Variants in PAQR8 observed in about 807,000 individuals in gnomAD.
PAQR8 encodes the protein progestin and adipoQ receptor family member 8, also known as membrane progestin receptor beta.
Under a neutral mutation model 25.2 loss-of-function variants are expected in PAQR8, and 17 were observed. The observed-to-expected ratio is 0.67, with a 90% CI of 0.46 to 1.01. PAQR8 has a LOEUF of 1.01. Among genes scored for constraint, PAQR8 ranks in the 50% least tolerant of loss-of-function variants. PAQR8 has a pLI of 0.00. For missense variants in PAQR8, 392 were observed against 448.4 expected (o/e 0.87, Z 1.14); for synonymous variants, 204 against 190.6 (o/e 1.07, Z -0.58).
intron 1 of PAQR8, among the ~76,000 whole-genome samples, chr6:52,393,333 C>CTTTTTTTTTTTTTTT (rs35079265): frequency 1.8e-5 from 2 of 111,192 alleles, no homozygotes; most frequent in Non-Finnish European, 1.7e-5. Flanking sequence ...CTTTCTCTCT[C>CTTTTTTTTTTTTTTT]TTTTTTTTTT....
chr6:52,383,998 A>C (rs1763598940), intron 1 of PAQR8, among the ~76,000 whole-genome samples: 1 of 152,132 alleles, frequency 6.6e-6, no homozygotes, highest in South Asian at 2.1e-4. Context: ...GGAACAGGGT[A>C]TGGGTCTGCA....
intron 1 of PAQR8, among the ~76,000 whole-genome samples, chr6:52,400,462 G>T (rs1161407518): frequency 2.6e-5 from 4 of 152,194 alleles, no homozygotes; most frequent in African/African-American, 9.7e-5. Flanking sequence ...CAAAGCTCAG[G>T]CTGGATTCAT....
chr6:52,405,685 G>A lies in PAQR8; in HGVS notation c.*1407G>A, dbSNP rs1449514249. The A allele has an allele frequency of 6.0e-6, 1 of 167,056 alleles. No homozygotes were observed. The highest frequency in any genetic ancestry group is 2.4e-5 in the African/African-American group (1 of 41,444). 10.3% of individuals were successfully genotyped at this position (167,056 alleles called of 1,614,324 possible). A position where few individuals can be genotyped will look rare whatever the true frequency, so the allele number is the denominator to read the frequency against. Reference sequence around the variant, plus strand: ...TGAGGTCCCTTAGTTACTAAAAAGGGACATGATTTAACTCCAGTTTGATGA... The same window carrying A: ...TGAGGTCCCTTAGTTACTAAAAAGGAACATGATTTAACTCCAGTTTGATGA... On this transcript the variant is annotated 3_prime_UTR_variant, in exon 2 of 2. Coordinates refer to ENST00000442253, the MANE Select transcript of PAQR8 (RefSeq NM_133367.5).
chr6:52,403,301 C>A lies in PAQR8; in HGVS notation c.88C>A (p.Leu30Ile), dbSNP rs200919654. The A allele has an allele frequency of 1.2e-4, 186 of 1,614,000 alleles. 1 individual carries two copies. The East Asian group carries it at 3.2e-3, about 27-fold the overall frequency. Residue 30 changes from leucine to isoleucine, a missense_variant, in exon 2 of 2, where the codon CTT becomes ATT. Transcript: ENST00000442253. ...RRLPKILEDG[L>I]PKMPCTVPET... ...CCTGCCCAAGATCCTGGAGGATGGG[C>A]TTCCCAAGATGCCTTGCACTGTCCC...
chr6:52,369,570 G>A (rs1763393245), intron 1 of PAQR8, among the ~76,000 whole-genome samples: 1 of 152,134 alleles, frequency 6.6e-6, no homozygotes, highest in African/African-American at 2.4e-5. Flanking sequence ...AACTGGAGGT[G>A]AGCTACAAAA....
intron 1 of PAQR8, among the ~76,000 whole-genome samples, chr6:52,377,580 C>T (rs1763499749): frequency 6.6e-6 from 1 of 151,960 alleles, no homozygotes; most frequent in African/African-American, 2.4e-5. Context: ...AATATCAAAA[C>T]ACAGGAAAAT....
intron 1 of PAQR8, among the ~76,000 whole-genome samples, chr6:52,384,118 A>G (rs967570868): frequency 1.3e-5 from 2 of 152,176 alleles, no homozygotes; most frequent in African/African-American, 2.4e-5. Flanking sequence ...AAATGAGACA[A>G]ATTTCACTCT....
intron 1 of PAQR8, among the ~76,000 whole-genome samples, chr6:52,378,801 G>C (rs548799682): frequency 4.1e-4 from 59 of 144,652 alleles, no homozygotes; most frequent in Non-Finnish European, 7.4e-4. Context: ...AAAAAAAAGG[G>C]GGGGAAGAAA....
chr6:52,389,790 G>A (rs1484761229), intron 1 of PAQR8, among the ~76,000 whole-genome samples: 1 of 152,140 alleles, frequency 6.6e-6, no homozygotes, highest in African/African-American at 2.4e-5. Context: ...CTGTGGAAAG[G>A]GCATTTCCAA....
At chr6:52,396,348 A>G (rs1227882603) in intron 1 of PAQR8, among the ~76,000 whole-genome samples, 1 of 152,156 alleles carries the variant, frequency 6.6e-6, no homozygotes, top group Non-Finnish European at 1.5e-5. Flanking sequence ...TGGGAGATAG[A>G]GTGTCAAGAA....
At chr6:52,390,473 T>C (rs1249065924) in intron 1 of PAQR8, among the ~76,000 whole-genome samples, 4 of 152,170 alleles carry the variant, frequency 2.6e-5, no homozygotes, top group Non-Finnish European at 5.9e-5. Context: ...AGTGGAGAGC[T>C]CACTGAGCCC....
At chr6:52,374,406 T>G (rs1161321261) in intron 1 of PAQR8, among the ~76,000 whole-genome samples, 1 of 152,184 alleles carries the variant, frequency 6.6e-6, no homozygotes, top group East Asian at 1.9e-4. Flanking sequence ...CTTTTCGTTT[T>G]GTTTCGTTTC....
chr6:52,406,210 C>G lies in PAQR8; in HGVS notation c.*1932C>G, dbSNP rs115283517. On this transcript the variant is annotated 3_prime_UTR_variant, in exon 2 of 2. Coordinates refer to ENST00000442253, the MANE Select transcript of PAQR8 (RefSeq NM_133367.5). Reference sequence around the variant, plus strand: ...TGCAAATACGTTGTTAGTAGAAGGTCAATTTAAAATAGGGACTAGAAATTA... The same window carrying G: ...TGCAAATACGTTGTTAGTAGAAGGTGAATTTAAAATAGGGACTAGAAATTA... The G allele has an allele frequency of 1.1e-3, 341 of 309,992 alleles. 2 individuals carry two copies. The highest frequency in any genetic ancestry group is 5.8e-3 in the African/African-American group (269 of 46,374). 19.2% of individuals were successfully genotyped at this position (309,992 alleles called of 1,614,324 possible).
chr6:52,374,491 G>A (rs1316047007), intron 1 of PAQR8, among the ~76,000 whole-genome samples: 1 of 152,078 alleles, frequency 6.6e-6, no homozygotes, highest in Non-Finnish European at 1.5e-5. Context: ...ATAGCTCACT[G>A]TGACCTTGAG....
Position 52,403,594 on chromosome 6 carries a change from T to C in PAQR8, c.381T>C (p.Leu127=). The C allele has an allele frequency of 6.2e-7, 1 of 1,614,146 alleles. No homozygotes were observed. Among genetic ancestry groups the C allele is most frequent in the Non-Finnish European group, 8.5e-7 (1 of 1,180,042 alleles). The part of the protein sequence containing the change: ...LSSITYLTCS[L]LAHLLQSKSE... ...CAATCACTTACCTCACCTGCAGCCT[T>C]CTGGCCCACCTGCTGCAGTCCAAGT... The change falls in exon 2 of 2, where the codon CTT becomes CTC. Residue 127 remains leucine (L), a synonymous_variant. Coordinates refer to ENST00000442253, the MANE Select transcript of PAQR8 (RefSeq NM_133367.5).
At chr6:52,365,769 C>T (rs1396794430) in intron 1 of PAQR8, among the ~76,000 whole-genome samples, 1 of 152,062 alleles carries the variant, frequency 6.6e-6, no homozygotes, top group Non-Finnish European at 1.5e-5. Flanking sequence ...TTTATTTATT[C>T]AGAAACGAGG....
chr6:52,389,846 C>T (rs1763678104), intron 1 of PAQR8, among the ~76,000 whole-genome samples: 1 of 152,224 alleles, frequency 6.6e-6, no homozygotes, highest in Non-Finnish European at 1.5e-5. Flanking sequence ...TTCACGTTCA[C>T]CCGGGTTGGC....
intron 1 of PAQR8, among the ~76,000 whole-genome samples, chr6:52,387,732 C>T (rs1763649329): frequency 6.6e-6 from 1 of 152,252 alleles, no homozygotes; most frequent in Admixed American, 6.5e-5. Flanking sequence ...CAGTACCTGT[C>T]TGTGGCCTGT....
intron 1 of PAQR8, among the ~76,000 whole-genome samples, chr6:52,391,577 T>C (rs545066765): frequency 6.6e-6 from 1 of 152,220 alleles, no homozygotes; most frequent in Non-Finnish European, 1.5e-5. Flanking sequence ...AAGATGTAGC[T>C]ATAAAGATCA....
Sources: allele counts gnomAD v4.1 joint callset (sites outside exome capture counted in the v4.1 genomes callset), GRCh38; gene constraint gnomAD v4.1.1; transcripts MANE v1.5; gene names NCBI Gene and HGNC (gene_info 2026-07-23, HGNC 2026-07-21).